The following ZNF19 variants were observed in gnomAD, a reference collection of about 807,000 sequenced individuals.
The protein encoded by ZNF19 is zinc finger protein 19 (KOX 12).
In ZNF19, 11 loss-of-function variants were observed where a neutral mutation model predicts 13.1. The ratio of observed to expected loss-of-function variants is 0.84; its 90% CI spans 0.53 to 1.39. The LOEUF (loss-of-function observed/expected upper bound fraction) is 1.39, where lower values mean the gene tolerates loss of function less well. Among genes scored for constraint, ZNF19 ranks in the 40% most tolerant of loss-of-function variants. The pLI is 0.00. For missense variants in ZNF19, 560 were observed against 547.0 expected, an observed-to-expected ratio of 1.02 and a Z score of -0.24; for synonymous variants, 186 against 187.0, an observed-to-expected ratio of 0.99 and a Z score of 0.04.
chr16:71,478,839 A>G, intron 4 of ZNF19, 40 bp downstream of exon 4: 3 of 1,601,944 alleles, frequency 1.9e-6, no homozygotes, highest in Non-Finnish European at 2.6e-6. Context: ...AGGAAACTGG[A>G]AAAGTACAGA....
At chr16:71,482,691 G>A (rs1053033107) in intron 2 of ZNF19, among the ~76,000 whole-genome samples, 1 of 151,978 alleles carries the variant, frequency 6.6e-6, no homozygotes, top group Non-Finnish European at 1.5e-5. Context: ...GGCTTCAAAG[G>A]TCATGTTTTT....
chr16:71,474,650 T>C lies in ZNF19; in HGVS notation c.*520A>G, dbSNP rs912345176. Reference sequence around the variant, plus strand: ...ATCATACACACAAAACATTTCTCCATCAGGTATGTTATCCCTGAAAACTTC... The same window carrying C: ...ATCATACACACAAAACATTTCTCCACCAGGTATGTTATCCCTGAAAACTTC... On this transcript the variant is annotated 3_prime_UTR_variant, in exon 6 of 6. Coordinates refer to ENST00000288177, the MANE Select transcript of ZNF19 (RefSeq NM_006961.4). 1 of 157,036 alleles carries C rather than the reference T, an allele frequency of 6.4e-6. No individual in the cohort carries two copies. The highest frequency in any genetic ancestry group is 1.4e-5 in the Non-Finnish European group (1 of 71,200). The allele number at this position is 157,036 out of a possible 1,614,324, so 9.7% of individuals were successfully genotyped here. A position where few individuals can be genotyped will look rare whatever the true frequency, so the allele number is the denominator to read the frequency against.
At chr16:71,488,238 TA>T (rs2043692975) in intron 1 of ZNF19, among the ~76,000 whole-genome samples, 1 of 151,692 alleles carries the variant, frequency 6.6e-6, no homozygotes, top group Admixed American at 6.6e-5. Flanking sequence ...TGTGTGCCTG[TA>T]ATCCCAGCTA....
intron 1 of ZNF19, among the ~76,000 whole-genome samples, chr16:71,485,722 C>A (rs1278618104): frequency 6.6e-6 from 1 of 151,506 alleles, no homozygotes; most frequent in Non-Finnish European, 1.5e-5. Flanking sequence ...AAATACTGAA[C>A]ACACACACAC....
At chr16:71,488,400 GAC>G (rs886443090) in intron 1 of ZNF19, among the ~76,000 whole-genome samples, 2 of 147,592 alleles carry the variant, frequency 1.4e-5, no homozygotes, top group African/African-American at 5.0e-5. Flanking sequence ...TGAAATGAAA[GAC>G]ACACAGATTC....
chr16:71,482,009 G>A, intron 3 of ZNF19, 73 bp downstream of exon 3: 2 of 1,553,708 alleles, frequency 1.3e-6, no homozygotes, highest in Non-Finnish European at 1.8e-6. Context: ...AGACTTGCCA[G>A]AATCACCTTT....
chr16:71,474,837 G>A lies in ZNF19; in HGVS notation c.*333C>T, dbSNP rs2043589277. 4.0e-6 allele frequency: 1 copy of A among 249,836 alleles called. No individual in the cohort carries two copies. Among genetic ancestry groups the A allele is most frequent in the Non-Finnish European group, 7.6e-6 (1 of 130,938 alleles). 15.5% of individuals were successfully genotyped at this position (249,836 alleles called of 1,614,324 possible). Reference sequence around the variant, plus strand: ...ATATATTTTTAGCTTCAGGCATGGTGTATGTGGCTGTTCAAACATTATCTT... The same window carrying A: ...ATATATTTTTAGCTTCAGGCATGGTATATGTGGCTGTTCAAACATTATCTT... On this transcript the variant is annotated 3_prime_UTR_variant, in exon 6 of 6. Coordinates refer to ENST00000288177, the MANE Select transcript of ZNF19 (RefSeq NM_006961.4).
At chr16:71,484,099 T>C (rs1201629252) in intron 2 of ZNF19, among the ~76,000 whole-genome samples, 1 of 152,238 alleles carries the variant, frequency 6.6e-6, no homozygotes, top group African/African-American at 2.4e-5. Context: ...CCACACTTTG[T>C]GCACGTCAAG....
Position 71,475,037 on chromosome 16 carries a change from G to T in ZNF19, c.*133C>A. The T allele has an allele frequency of 1.8e-6, 2 of 1,108,544 alleles. No homozygotes were observed. Among genetic ancestry groups the T allele is most frequent in the Non-Finnish European group, 1.3e-6 (1 of 793,362 alleles). The allele number at this position is 1,108,544 out of a possible 1,614,324, so 68.7% of individuals were successfully genotyped here. On this transcript the variant is annotated 3_prime_UTR_variant, in exon 6 of 6. Transcript: ENST00000288177. ...CTGGGACTCTAATTGAACCATCTTT[G>T]GTCATCTACTGACATCTGAATCATT...
In ZNF19 at chr16:71,474,325, T is replaced by C. The variant is rs899645151; in HGVS notation, c.*845A>G. The C allele has an allele frequency of 1.3e-5, 2 of 152,180 alleles. No homozygotes were observed. Among genetic ancestry groups the C allele is most frequent in the African/African-American group, 4.8e-5 (2 of 41,444 alleles). 9.4% of individuals were successfully genotyped at this position (152,180 alleles called of 1,614,324 possible). A position where few individuals can be genotyped will look rare whatever the true frequency, so the allele number is the denominator to read the frequency against. Reference sequence around the variant, plus strand: ...CTACAATAGCCTGGCATTTCTCAGTTTAAGGCCTAGAGTAGCATCCATTCC... The same window carrying C: ...CTACAATAGCCTGGCATTTCTCAGTCTAAGGCCTAGAGTAGCATCCATTCC... On this transcript the variant is annotated 3_prime_UTR_variant, in exon 6 of 6. Transcript: ENST00000288177.
At chr16:71,486,670 C>G (rs1454857688) in intron 1 of ZNF19, among the ~76,000 whole-genome samples, 2 of 152,190 alleles carry the variant, frequency 1.3e-5, no homozygotes, top group Non-Finnish European at 2.9e-5. Flanking sequence ...TTTTACGCCA[C>G]TACTCATGGC....
rs763879278 is a variant in ZNF19, at chr16:71,475,378, C to T, written c.1169G>A (p.Cys390Tyr). The stretch of plus-strand genomic sequence containing the variant: ...TCTTTTGCTAGTCAAGGCTTTTCCA[C>T]ACTCATCACATACATAGGAAGACTC... ...TQESSYVCDE[C>Y]GKALTSKRNL... is the part of the protein sequence containing the mutation. Residue 390 changes from cysteine to tyrosine, a missense_variant, in exon 6 of 6, where the codon TGT becomes TAT. Physicochemically the swap from Cys to Tyr is radical, Grantham distance 194. Coordinates refer to ENST00000288177, the MANE Select transcript of ZNF19 (RefSeq NM_006961.4). 2 of 1,614,086 alleles carry T rather than the reference C, an allele frequency of 1.2e-6. No individual in the cohort carries two copies. The highest frequency in any genetic ancestry group is 1.3e-5 in the African/African-American group (1 of 75,004).
At position 71,475,405 on chromosome 16, in the gene ZNF19, T is replaced by G; in HGVS notation, c.1142A>C (p.Gln381Pro). The change falls in exon 6 of 6, where the codon CAG becomes CCG. Residue 381 changes from glutamine (Q) to proline (P), a missense_variant. By Grantham distance (76) the Gln-to-Pro change is moderately conservative. Coordinates refer to ENST00000288177, the MANE Select transcript of ZNF19 (RefSeq NM_006961.4). ...CTCATCACATACATAGGAAGACTCCTGAGTATGAATTCTCAGATGCCTTTT... is the reference window on the plus strand; with the variant it reads ...CTCATCACATACATAGGAAGACTCCGGAGTATGAATTCTCAGATGCCTTTT... ...QLKRHLRIHT[Q>P]ESSYVCDECG... The G allele has an allele frequency of 6.2e-7, 1 of 1,614,148 alleles. No homozygotes were observed. The highest frequency in any genetic ancestry group is 8.5e-7 in the Non-Finnish European group (1 of 1,180,006).
intron 3 of ZNF19, 23 bp downstream of exon 3, chr16:71,482,059 G>A (rs1307916015): frequency 6.2e-7 from 1 of 1,613,894 alleles, no homozygotes; most frequent in African/African-American, 1.3e-5. Context: ...CCATAGAGCT[G>A]ACCTCAGGGA....
intron 2 of ZNF19, among the ~76,000 whole-genome samples, chr16:71,484,043 G>T (rs185144159): frequency 8.1e-4 from 123 of 152,380 alleles, no homozygotes; most frequent in Middle Eastern, 3.4e-3. Flanking sequence ...GCAGTCAAAG[G>T]AGAGTGTGCT....
chr16:71,477,842 T>C (rs576590356), intron 5 of ZNF19: 2 of 168,250 alleles, frequency 1.2e-5, no homozygotes, highest in South Asian at 1.5e-4. Context: ...ACATTCTCCG[T>C]CCCACTCCCA....
At chr16:71,489,071 A>C (rs2043702095) in intron 1 of ZNF19, 1 of 202,820 alleles carries the variant, frequency 4.9e-6, no homozygotes, top group African/African-American at 2.4e-5. Context: ...CTCTTTCTCC[A>C]GCTCCAGTTC....
At chr16:71,479,234 A>C in intron 3 of ZNF19, 1 of 552,142 alleles carries the variant, frequency 1.8e-6, no homozygotes, top group Non-Finnish European at 3.2e-6. Flanking sequence ...ATTGACTGTC[A>C]TAAAATGTGA....
At chr16:71,478,685 C>T in intron 4 of ZNF19, 194 bp downstream of exon 4, 2 of 745,288 alleles carry the variant, frequency 2.7e-6, no homozygotes, top group Non-Finnish European at 4.5e-6. Context: ...CATTGGGAGA[C>T]CAAAGTGACC....
Sources: gnomAD v4.1 joint callset for allele counts (sites outside exome capture counted in the v4.1 genomes callset) on GRCh38, gnomAD v4.1.1 for gene constraint, MANE v1.5 for transcripts, NCBI Gene and HGNC (gene_info 2026-07-23, HGNC 2026-07-21) for gene names.